OXR1: variants seen among roughly 807,000 people sequenced by gnomAD.
The protein encoded by OXR1 is oxidation resistance 1, also known as oxidation resistance protein 1.
In OXR1, 41 loss-of-function variants were observed where a neutral mutation model predicts 104.6. The ratio of observed to expected loss-of-function variants is 0.39; its 90% CI spans 0.31 to 0.51. The LOEUF is 0.51. OXR1 is among the 20% of genes least tolerant of loss of function. OXR1 has a pLI of 0.77. For missense variants in OXR1, 955 were observed against 1,031.9 expected (o/e 0.93, Z 1.02); for synonymous variants, 348 against 348.4 (o/e 1.00, Z 0.01).
At chr8:106,439,136 A>G (rs1456558776) in intron 2 of OXR1, among the ~76,000 whole-genome samples, 1 of 151,832 alleles carries the variant, frequency 6.6e-6, no homozygotes, top group East Asian at 1.9e-4. Context: ...TTTAAAATTC[A>G]TGTGTTGAAA....
At chr8:106,682,721 C>T (rs933096107) in intron 4 of OXR1, among the ~76,000 whole-genome samples, 1 of 152,120 alleles carries the variant, frequency 6.6e-6, no homozygotes, top group Non-Finnish European at 1.5e-5. Flanking sequence ...TGATTCAGAA[C>T]TAAATAACTC....
intron 2 of OXR1, among the ~76,000 whole-genome samples, chr8:106,370,428 G>A (rs2226406): frequency 0.14 from 22,015 of 152,006 alleles, 3,267 homozygotes; most frequent in African/African-American, 0.38. Context: ...AAAACTTCCA[G>A]TACTATGTTG....
chr8:106,533,814 C>T (rs539999625), intron 3 of OXR1, among the ~76,000 whole-genome samples: 155 of 150,734 alleles, frequency 1.0e-3, no homozygotes, highest in Non-Finnish European at 1.8e-3. Flanking sequence ...CCTCTGGGTT[C>T]AAGCAATTCT....
At chr8:106,510,118 G>A (rs968225095) in intron 2 of OXR1, among the ~76,000 whole-genome samples, 1 of 152,092 alleles carries the variant, frequency 6.6e-6, no homozygotes, top group African/African-American at 2.4e-5. Context: ...TATGTTATGT[G>A]GATGCATTAA....
intron 7 of OXR1, among the ~76,000 whole-genome samples, chr8:106,694,752 T>C (rs193223872): frequency 2.7e-5 from 3 of 112,366 alleles, no homozygotes; most frequent in Non-Finnish European, 5.0e-5. Context: ...ATTTATATAT[T>C]AATATATATA....
At chr8:106,695,555 C>T (rs113932650) in intron 7 of OXR1, among the ~76,000 whole-genome samples, 1 of 151,786 alleles carries the variant, frequency 6.6e-6, no homozygotes, top group East Asian at 1.9e-4. Context: ...GTAGCTGGGA[C>T]TACAGGCACA....
chr8:106,307,506 T>A (rs987153381), intron 1 of OXR1, among the ~76,000 whole-genome samples: 1 of 152,248 alleles, frequency 6.6e-6, no homozygotes, highest in East Asian at 1.9e-4. Flanking sequence ...TTTTCTCAGG[T>A]TCAAACACTT....
chr8:106,668,870 T>C (rs1826628886), intron 3 of OXR1, among the ~76,000 whole-genome samples: 1 of 152,226 alleles, frequency 6.6e-6, no homozygotes. Context: ...GCTCTATTTG[T>C]ATGTCTCTCA....
chr8:106,381,054 T>C (rs1817127821), intron 2 of OXR1, among the ~76,000 whole-genome samples: 1 of 152,200 alleles, frequency 6.6e-6, no homozygotes, highest in Non-Finnish European at 1.5e-5. Flanking sequence ...GGATATTTAA[T>C]TGAGATTTTT....
intron 1 of OXR1, among the ~76,000 whole-genome samples, chr8:106,282,659 C>T (rs529380656): frequency 6.6e-6 from 1 of 152,210 alleles, no homozygotes; most frequent in East Asian, 1.9e-4. Flanking sequence ...TATGTTTATA[C>T]ATTAAGTGGA....
At chr8:106,425,206 G>A (rs1455552194) in intron 2 of OXR1, among the ~76,000 whole-genome samples, 1 of 150,334 alleles carries the variant, frequency 6.7e-6, no homozygotes, top group Non-Finnish European at 1.5e-5. Context: ...TGGGCTCAAG[G>A]GATCCTCCTG....
intron 3 of OXR1, among the ~76,000 whole-genome samples, chr8:106,580,286 T>C (rs1224715897): frequency 6.6e-6 from 1 of 152,222 alleles, no homozygotes; most frequent in African/African-American, 2.4e-5. Flanking sequence ...TTCTATGAAT[T>C]TGACCACTTT....
At position 106,613,468 on chromosome 8, in the gene OXR1, G is replaced by A. The variant is rs577172501; in HGVS notation, c.221-65742G>A. Among the ~76,000 whole-genome samples the A allele has an allele frequency of 1.2e-4, 18 of 152,212 alleles. No homozygotes were observed. In the South Asian group the frequency reaches 2.1e-3, roughly 18 times the overall value. ...GCCTGGAGTGCAATGGCACGATCTC[G>A]GCTCACTGGAACCTCTGCCTCCCAG... On this transcript the variant is annotated intron_variant, in intron 3 of 16. Transcript: ENST00000517566.
intron 2 of OXR1, among the ~76,000 whole-genome samples, chr8:106,491,980 G>A (rs913775257): frequency 1.3e-5 from 2 of 152,120 alleles, no homozygotes; most frequent in Non-Finnish European, 2.9e-5. Context: ...CACACCAGAG[G>A]TTCTCAAACT....
At position 106,713,630 on chromosome 8, in the gene OXR1, C is replaced by A. The variant is rs1831935961; in HGVS notation, c.1794-193C>A. On this transcript the variant is annotated intron_variant, in intron 10 of 16. Coordinates refer to ENST00000517566, the MANE Select transcript of OXR1 (RefSeq NM_001198533.2). ...CTTAATTTGGTTTTCTAAAGAACAA[C>A]CTGACAGAATATAGCCAAATAAAAT... 1.3e-5 allele frequency among the ~76,000 whole-genome samples: 2 copies of A among 151,972 alleles called. 1 individual carries two copies. The highest frequency in any genetic ancestry group is 1.3e-4 in the Admixed American group (2 of 15,272).
chr8:106,495,175 A>G (rs1811335089), intron 2 of OXR1, among the ~76,000 whole-genome samples: 1 of 151,794 alleles, frequency 6.6e-6, no homozygotes, highest in South Asian at 2.1e-4. Flanking sequence ...ATATTTATAT[A>G]TTGTTTACAT....
intron 1 of OXR1, among the ~76,000 whole-genome samples, chr8:106,324,750 C>T (rs548855968): frequency 2.3e-4 from 35 of 152,222 alleles, no homozygotes; most frequent in African/African-American, 8.2e-4. Flanking sequence ...TGTGCATTTT[C>T]TCACTGATCA....
chr8:106,434,707 T>C (rs2130572339), intron 2 of OXR1, among the ~76,000 whole-genome samples: 1 of 152,334 alleles, frequency 6.6e-6, no homozygotes, highest in East Asian at 1.9e-4. Flanking sequence ...TACTTCTACA[T>C]TTATCTGTGC....
intron 1 of OXR1, among the ~76,000 whole-genome samples, chr8:106,358,112 C>T (rs1183240973): frequency 2.0e-5 from 3 of 152,148 alleles, no homozygotes; most frequent in Non-Finnish European, 4.4e-5. Context: ...TCTTCGTCCT[C>T]CTTTCTGCTG....
Sources: gnomAD v4.1 joint callset for allele counts (sites outside exome capture counted in the v4.1 genomes callset) on GRCh38, gnomAD v4.1.1 for gene constraint, MANE v1.5 for transcripts, NCBI Gene and HGNC (gene_info 2026-07-23, HGNC 2026-07-21) for gene names.